Variants in CHRM2 observed in about 807,000 individuals in gnomAD.
CHRM2 encodes the protein muscarinic acetylcholine receptor M2.
Under a neutral mutation model 25.0 loss-of-function variants are expected in CHRM2, and 8 were observed. That is an observed-to-expected ratio of 0.32 (90% CI 0.19 to 0.58). The LOEUF is 0.58. Among genes scored for constraint, CHRM2 ranks in the 20% least tolerant of loss-of-function variants. The pLI, the probability that CHRM2 is intolerant of heterozygous loss-of-function variation, is 0.88. For missense variants in CHRM2, 440 were observed against 567.1 expected, an observed-to-expected ratio of 0.78 and a Z score of 2.28; for synonymous variants, 202 against 205.7, an observed-to-expected ratio of 0.98 and a Z score of 0.15.
chr7:136,975,411 CAGG>C, intron 2 of CHRM2, among the ~76,000 whole-genome samples: 1 of 152,104 alleles, frequency 6.6e-6, no homozygotes, highest in Middle Eastern at 3.4e-3. Context: ...TTTTCTATCA[CAGG>C]CCCCAGTAGA....
chr7:136,958,920 T>C (rs1357846089), intron 2 of CHRM2, among the ~76,000 whole-genome samples: 1 of 152,226 alleles, frequency 6.6e-6, no homozygotes, highest in Non-Finnish European at 1.5e-5. Flanking sequence ...ATATTACTAT[T>C]CCAAGTTTGA....
chr7:136,965,563 G>C (rs1801362601), intron 2 of CHRM2, among the ~76,000 whole-genome samples: 1 of 151,982 alleles, frequency 6.6e-6, no homozygotes, highest in South Asian at 2.1e-4. Flanking sequence ...CTCTAAAAGA[G>C]AAAATAACTC....
chr7:137,008,190 A>T (rs558912235), intron 3 of CHRM2, among the ~76,000 whole-genome samples: 10 of 152,220 alleles, frequency 6.6e-5, no homozygotes, highest in African/African-American at 2.4e-4. Flanking sequence ...TGATAACCAC[A>T]TCTCATTCTT....
At position 137,017,405 on chromosome 7, in the gene CHRM2, T is replaced by A. The variant is rs1031535291; in HGVS notation, c.*1139T>A. The stretch of plus-strand genomic sequence containing the variant: ...GGAATGCTGTTTTATTTATTTGGAA[T>A]CCTAAACAGGATTAACATACTCACA... On this transcript the variant is annotated 3_prime_UTR_variant, in exon 4 of 4. Coordinates refer to ENST00000680005, the MANE Select transcript of CHRM2 (RefSeq NM_001006630.2). 1.3e-5 allele frequency: 2 copies of A among 151,948 alleles called. No homozygotes were observed. The highest frequency in any genetic ancestry group is 4.8e-5 in the African/African-American group (2 of 41,408). The allele number at this position is 151,948 out of a possible 1,614,324, so 9.4% of individuals were successfully genotyped here. A position where few individuals can be genotyped will look rare whatever the true frequency, so the allele number is the denominator to read the frequency against.
At chr7:136,921,701 T>A (rs1184986857) in intron 2 of CHRM2, among the ~76,000 whole-genome samples, 1 of 152,056 alleles carries the variant, frequency 6.6e-6, no homozygotes, top group Admixed American at 6.6e-5. Flanking sequence ...GGATAAAAAG[T>A]CAGCCTTCTC....
intron 2 of CHRM2, chr7:136,899,902 G>A (rs968418721): frequency 6.6e-5 from 10 of 152,038 alleles, no homozygotes; most frequent in Admixed American, 3.3e-4. Context: ...AGTTTAAAAA[G>A]CTTGTTTCAT....
intron 2 of CHRM2, among the ~76,000 whole-genome samples, chr7:136,882,889 A>G (rs1366182843): frequency 1.3e-5 from 2 of 152,172 alleles, no homozygotes; most frequent in Non-Finnish European, 2.9e-5. Flanking sequence ...TAAACATTGC[A>G]TATGATTTAA....
intron 2 of CHRM2, among the ~76,000 whole-genome samples, chr7:136,913,201 A>T (rs201179947): frequency 1.3e-5 from 2 of 151,898 alleles, no homozygotes; most frequent in East Asian, 3.9e-4. Flanking sequence ...TATTCCATTA[A>T]TTTACATAAT....
At chr7:136,967,184 T>C (rs961001099) in intron 2 of CHRM2, among the ~76,000 whole-genome samples, 2 of 152,000 alleles carry the variant, frequency 1.3e-5, no homozygotes, top group African/African-American at 2.4e-5. Flanking sequence ...GATAGCACTG[T>C]GGAAGGCAGG....
intron 2 of CHRM2, among the ~76,000 whole-genome samples, chr7:136,931,396 C>A (rs1219550471): frequency 6.6e-6 from 1 of 152,150 alleles, no homozygotes; most frequent in Non-Finnish European, 1.5e-5. Flanking sequence ...GAGCCCCAAG[C>A]CTCAAAGTGG....
At position 137,017,574 on chromosome 7, in the gene CHRM2, A is replaced by C. The variant is rs1043042908; in HGVS notation, c.*1308A>C. The C allele has an allele frequency of 6.6e-6, 1 of 152,042 alleles. No homozygotes were observed. Among genetic ancestry groups the C allele is most frequent in the African/African-American group, 2.4e-5 (1 of 41,444 alleles). 9.4% of individuals were successfully genotyped at this position (152,042 alleles called of 1,614,324 possible). ...ATGAAAGGGGAAAAAACGATATTTT[A>C]AAAACTATTACTGAAACAATTACAT... On this transcript the variant is annotated 3_prime_UTR_variant, in exon 4 of 4. Transcript: ENST00000680005.
At chr7:136,879,839 A>C (rs1193835165) in intron 2 of CHRM2, among the ~76,000 whole-genome samples, 1 of 151,986 alleles carries the variant, frequency 6.6e-6, no homozygotes, top group Non-Finnish European at 1.5e-5. Context: ...TAGGAAAGAA[A>C]GGCGGCCATC....
intron 2 of CHRM2, among the ~76,000 whole-genome samples, chr7:136,922,332 T>C (rs1346127943): frequency 1.3e-5 from 2 of 152,322 alleles, no homozygotes; most frequent in East Asian, 1.9e-4. Context: ...CCTAGATTCA[T>C]GTAATAACAT....
chr7:137,016,338 G>A lies in CHRM2; in HGVS notation c.*72G>A. On this transcript the variant is annotated 3_prime_UTR_variant, in exon 4 of 4. Transcript: ENST00000680005. ...AATAAAAGGGATAAACGAGCTCCTAGTTTTAAAATCTCTGCCATTGCACTT... is the reference window on the plus strand; with the variant it reads ...AATAAAAGGGATAAACGAGCTCCTAATTTTAAAATCTCTGCCATTGCACTT... 6.9e-7 allele frequency: 1 copy of A among 1,456,870 alleles called. No individual in the cohort carries two copies. Among genetic ancestry groups the A allele is most frequent in the Non-Finnish European group, 9.6e-7 (1 of 1,041,948 alleles). The allele number at this position is 1,456,870 out of a possible 1,614,324, so 90.2% of individuals were successfully genotyped here. A position where few individuals can be genotyped will look rare whatever the true frequency, so the allele number is the denominator to read the frequency against.
chr7:137,006,962 C>T (rs1044643575), intron 3 of CHRM2, among the ~76,000 whole-genome samples: 3 of 152,018 alleles, frequency 2.0e-5, no homozygotes, highest in Non-Finnish European at 4.4e-5. Flanking sequence ...GCTCAATGTA[C>T]TGAAGCAGAA....
At chr7:136,879,372 A>G (rs1796171410) in intron 2 of CHRM2, among the ~76,000 whole-genome samples, 1 of 151,962 alleles carries the variant, frequency 6.6e-6, no homozygotes, top group Admixed American at 6.6e-5. Context: ...CAGATGCACA[A>G]ACAAAAGGCC....
In CHRM2 at chr7:137,015,536, C is replaced by T; in HGVS notation, c.671C>T (p.Pro224Leu). Residue 224 changes from proline (P) to leucine (L), a missense_variant, in exon 4 of 4, where the codon CCT becomes CTT. By Grantham distance (98) the Pro-to-Leu change is moderately conservative. Coordinates refer to ENST00000680005, the MANE Select transcript of CHRM2 (RefSeq NM_001006630.2). This position sits in a 1 kb window ranked among gnomAD's most constrained non-coding sequence, Gnocchi z 5.1. ...AGGATAAAGAAGGACAAGAAGGAGC[C>T]TGTTGCCAACCAAGACCCCGTTTCT... ...KSRIKKDKKE[P>L]VANQDPVSPS... 6.2e-7 allele frequency: 1 copy of T among 1,612,944 alleles called. No individual in the cohort carries two copies. The highest frequency in any genetic ancestry group is 8.5e-7 in the Non-Finnish European group (1 of 1,179,536).
chr7:137,013,143 G>T (rs1804935846), intron 3 of CHRM2, among the ~76,000 whole-genome samples: 1 of 151,732 alleles, frequency 6.6e-6, no homozygotes, highest in Non-Finnish European at 1.5e-5. Context: ...TTTCTATCGT[G>T]CAATTTACAA....
chr7:136,960,500 T>G (rs1349274663), intron 2 of CHRM2, among the ~76,000 whole-genome samples: 6 of 152,124 alleles, frequency 3.9e-5, no homozygotes, highest in African/African-American at 1.4e-4. Context: ...AGGAGTCAAA[T>G]AGATCACGAT....
Sources: gnomAD v4.1 joint callset for allele counts (sites outside exome capture counted in the v4.1 genomes callset) on GRCh38, gnomAD v4.1.1 for gene constraint, Gnocchi (gnomAD v3.1) non-coding constraint, MANE v1.5 for transcripts, NCBI Gene and HGNC (gene_info 2026-07-23, HGNC 2026-07-21) for gene names.